The following RPH3A variants were observed in gnomAD, a reference collection of about 807,000 sequenced individuals.
The protein encoded by RPH3A is rabphilin 3A.
Under a neutral mutation model 102.2 loss-of-function variants are expected in RPH3A, and 48 were observed. That is an observed-to-expected ratio of 0.47 (90% CI 0.37 to 0.60). RPH3A has a LOEUF of 0.60. Ranked by LOEUF, RPH3A falls within the 20% of genes least tolerant of loss-of-function variation. The pLI, the probability that RPH3A is intolerant of heterozygous loss-of-function variation, is 0.00. For missense variants in RPH3A, 781 were observed against 910.1 expected (o/e 0.86, Z 1.83); for synonymous variants, 310 against 324.3 (o/e 0.96, Z 0.47).
chr12:112,610,628 T>C (rs1566227619), intron 1 of RPH3A, among the ~76,000 whole-genome samples: 1 of 151,904 alleles, frequency 6.6e-6, no homozygotes, highest in Non-Finnish European at 1.5e-5. Flanking sequence ...AAAATTATTA[T>C]TTTATTTATT....
rs190643311 is a variant in RPH3A at position 112,808,759 on chromosome 12, T to C, written c.-19+16496T>C. The stretch of plus-strand genomic sequence containing the variant: ...ACTAGAAATGCAAATTCTTGGGCTC[T>C]GTTCCAGACCTCCTGGATCAGAAGC... On this transcript the variant is annotated intron_variant, in intron 2 of 21. Transcript: ENST00000389385. 2.7e-3 allele frequency among the ~76,000 whole-genome samples: 415 copies of C among 152,356 alleles called. 3 individuals carry two copies. The highest frequency in any genetic ancestry group is 9.3e-3 in the African/African-American group (388 of 41,580).
rs868729098 is a variant in RPH3A, at chr12:112,725,266, A to C, written c.-139-66877A>C. On this transcript the variant is annotated intron_variant, in intron 1 of 21. Coordinates refer to the RPH3A transcript ENST00000543106. The stretch of plus-strand genomic sequence containing the variant: ...TTTGTCTCAGAAAAAAAAAAAAAAA[A>C]AAAAAAAAAAAAACACGTTTTAATG... Among the ~76,000 whole-genome samples, 222 of 150,264 alleles carry C rather than the reference A, an allele frequency of 1.5e-3. 1 individual carries two copies. The highest frequency in any genetic ancestry group is 6.8e-3 in the Middle Eastern group (2 of 292).
chr12:112,653,348 T>C (rs2135998571), intron 1 of RPH3A, among the ~76,000 whole-genome samples: 1 of 142,062 alleles, frequency 7.0e-6, no homozygotes, highest in South Asian at 2.2e-4. Context: ...CCAGCCTGGG[T>C]GACACAGCGA....
chr12:112,592,654 T>A (rs2039488135), intron 1 of RPH3A, among the ~76,000 whole-genome samples: 1 of 152,240 alleles, frequency 6.6e-6, no homozygotes, highest in Non-Finnish European at 1.5e-5. Flanking sequence ...ATTTTCGATC[T>A]GTGGTTGGTT....
chr12:112,896,779 A>G lies in RPH3A; in HGVS notation c.2084A>G (p.Ter695TrpextTer18), dbSNP rs1304421730. Residue 695 changes from the stop codon to tryptophan, a stop_lost, in exon 22 of 22, where the codon TAG (stop) becomes TGG (tryptophan). Coordinates refer to ENST00000389385, the MANE Select transcript of RPH3A (RefSeq NM_001143854.2). The stretch of plus-strand genomic sequence containing the variant: ...AATGAGAACCACGTGTCAAGTGATT[A>G]GGCTAGTGCCCAGGTCCCCATCTCC... ...LQNENHVSSD[*>W] 1 of 1,613,828 alleles carries G rather than the reference A, an allele frequency of 6.2e-7. No homozygotes were observed. Among genetic ancestry groups the G allele is most frequent in the Non-Finnish European group, 8.5e-7 (1 of 1,179,956 alleles).
chr12:112,674,930 C>G (rs1248863166), intron 1 of RPH3A, among the ~76,000 whole-genome samples: 1 of 152,222 alleles, frequency 6.6e-6, no homozygotes, highest in Non-Finnish European at 1.5e-5. Context: ...AAAGTCAGGA[C>G]TGGCTTTTCA....
intron 1 of RPH3A, among the ~76,000 whole-genome samples, chr12:112,580,697 C>T (rs1421595624): frequency 1.3e-5 from 2 of 152,178 alleles, no homozygotes; most frequent in African/African-American, 4.8e-5. Flanking sequence ...TGAGCCACCG[C>T]GCCTGGCCTG....
intron 1 of RPH3A, among the ~76,000 whole-genome samples, chr12:112,780,725 G>A (rs1462574419): frequency 6.6e-6 from 1 of 152,154 alleles, no homozygotes; most frequent in Non-Finnish European, 1.5e-5. Context: ...CAATGAAGAT[G>A]GAGTGTCTCA....
At chr12:112,817,550 G>A (rs928416264) in intron 2 of RPH3A, among the ~76,000 whole-genome samples, 1 of 149,442 alleles carries the variant, frequency 6.7e-6, no homozygotes, top group African/African-American at 2.5e-5. Context: ...ATGCACACGT[G>A]TGTGTGTGTG....
intron 1 of RPH3A, among the ~76,000 whole-genome samples, chr12:112,716,488 T>G (rs1339345865): frequency 6.6e-6 from 1 of 152,256 alleles, no homozygotes; most frequent in Non-Finnish European, 1.5e-5. Flanking sequence ...AGTCTCTAGA[T>G]ACAGGAGGAT....
rs748486217 is a variant in RPH3A at position 112,866,860 on chromosome 12, C to G, written c.444+20C>G. On this transcript the variant is annotated intron_variant, in intron 7 of 21. Coordinates refer to ENST00000389385, the MANE Select transcript of RPH3A (RefSeq NM_001143854.2). ...AGGGAGGTGAGTGCCCTGGTCCCAC[C>G]TGGTGCCTAGATCACCCTCCTTTCT... 1 of 1,590,652 alleles carries G rather than the reference C, an allele frequency of 6.3e-7. No individual in the cohort carries two copies. The highest frequency in any genetic ancestry group is 1.1e-5 in the South Asian group (1 of 88,894).
intron 16 of RPH3A, among the ~76,000 whole-genome samples, chr12:112,887,234 C>A (rs2043016240): frequency 1.3e-5 from 2 of 152,040 alleles, no homozygotes; most frequent in Non-Finnish European, 2.9e-5. Context: ...CATAATAACT[C>A]AAAACTAGAA....
At chr12:112,804,746 G>T (rs1479765195) in intron 2 of RPH3A, among the ~76,000 whole-genome samples, 1 of 152,198 alleles carries the variant, frequency 6.6e-6, no homozygotes, top group African/African-American at 2.4e-5. Flanking sequence ...AATAACAGCA[G>T]ATATCTCCTA....
Position 112,616,112 on chromosome 12 carries a change from A to G in RPH3A, c.-140+40793A>G, listed in dbSNP as rs567234488. On this transcript the variant is annotated intron_variant, in intron 1 of 21. Transcript: ENST00000543106. ...TCCATCCTCAGAGCCCTGCCGAGCA[A>G]CTGGTTTATCTCTGATAAATGGATC... 5.2e-3 allele frequency among the ~76,000 whole-genome samples: 792 copies of G among 152,232 alleles called. 4 individuals carry two copies. The highest frequency in any genetic ancestry group is 0.018 in the African/African-American group (750 of 41,544).
intron 4 of RPH3A, among the ~76,000 whole-genome samples, chr12:112,838,538 G>A (rs2042091924): frequency 6.6e-6 from 1 of 152,172 alleles, no homozygotes; most frequent in African/African-American, 2.4e-5. Flanking sequence ...ACTTCCTGCA[G>A]ACACCTGCCC....
At chr12:112,650,672 T>G (rs2039967431) in intron 1 of RPH3A, 1 of 152,148 alleles carries the variant, frequency 6.6e-6, no homozygotes, top group African/African-American at 2.4e-5. Flanking sequence ...TCTAGAATAG[T>G]GTCTGACACA....
chr12:112,819,309 C>T (rs1176615002), intron 2 of RPH3A, among the ~76,000 whole-genome samples: 2 of 151,938 alleles, frequency 1.3e-5, no homozygotes, highest in East Asian at 1.9e-4. Context: ...GGTTTCATCA[C>T]GTTGGCAAGG....
chr12:112,879,978 C>T (rs1193907791), intron 14 of RPH3A, among the ~76,000 whole-genome samples: 2 of 152,140 alleles, frequency 1.3e-5, no homozygotes, highest in Admixed American at 6.5e-5. Flanking sequence ...GATAGTTGTG[C>T]GCACATGTTC....
chr12:112,825,330 C>A (rs550577255), intron 2 of RPH3A, among the ~76,000 whole-genome samples: 2 of 152,088 alleles, frequency 1.3e-5, no homozygotes, highest in African/African-American at 2.4e-5. Flanking sequence ...CCAGCATTCC[C>A]CTCCGGTTTC....
Sources: gnomAD v4.1 joint callset for allele counts (sites outside exome capture counted in the v4.1 genomes callset) on GRCh38, gnomAD v4.1.1 for gene constraint, MANE v1.5 for transcripts, NCBI Gene and HGNC (gene_info 2026-07-23, HGNC 2026-07-21) for gene names.